Variants in BCAS3 observed in about 807,000 individuals in gnomAD.
BCAS3 encodes BCAS4/BCAS3 fusion.
A neutral mutation model predicts 116.1 loss-of-function variants in BCAS3; 53 were observed. The observed-to-expected ratio is 0.46, with a 90% confidence interval of 0.37 to 0.57. The LOEUF is 0.57. Ranked by LOEUF, BCAS3 falls within the 20% of genes least tolerant of loss-of-function variation. The pLI is 0.00. For missense variants in BCAS3, 917 were observed against 1,165.4 expected, an observed-to-expected ratio of 0.79 and a Z score of 3.10; for synonymous variants, 391 against 408.2, an observed-to-expected ratio of 0.96 and a Z score of 0.51.
chr17:61,107,082 CTTTT>C (rs755754824), intron 22 of BCAS3, among the ~76,000 whole-genome samples: 1 of 106,388 alleles, frequency 9.4e-6, no homozygotes, highest in African/African-American at 3.8e-5. Flanking sequence ...ACTAGGCTTA[CTTTT>C]TTTTTTTTTT....
chr17:61,384,346 C>T (rs973532576), intron 23 of BCAS3: 5 of 152,250 alleles, frequency 3.3e-5, no homozygotes, highest in African/African-American at 7.2e-5. Context: ...CCCAGTTTCA[C>T]GTGTGTGTCC....
rs541083079 is a variant in BCAS3 at position 60,783,466 on chromosome 17, A to C, written c.404-24538A>C. Among the ~76,000 whole-genome samples the C allele has an allele frequency of 4.6e-5, 7 of 152,254 alleles. No individual in the cohort carries two copies. The South Asian group carries it at 1.2e-3, about 27-fold the overall frequency. ...GCAGTCTGCCTGCCTTGGGCTCCCA[A>C]ACTGCTGGGATTATAGGCACGAGCC... is the stretch of plus-strand genomic sequence containing the variant. On this transcript the variant is annotated intron_variant, in intron 6 of 23. Coordinates refer to ENST00000407086, the MANE Select transcript of BCAS3 (RefSeq NM_017679.5).
intron 23 of BCAS3, among the ~76,000 whole-genome samples, chr17:61,385,856 A>T (rs1040372328): frequency 1.3e-5 from 2 of 152,172 alleles, no homozygotes; most frequent in Admixed American, 1.3e-4. Flanking sequence ...GGGAAATGAA[A>T]AGCTGTAAAC....
At chr17:61,273,115 T>A (rs112935779) in intron 22 of BCAS3, among the ~76,000 whole-genome samples, 7,105 of 151,976 alleles carry the variant, frequency 0.047, 190 homozygotes, top group African/African-American at 0.063. Context: ...ATTTTATTTT[T>A]TTTTTTTTCT....
intron 4 of BCAS3, among the ~76,000 whole-genome samples, chr17:60,707,067 C>T (rs1277324704): frequency 1.3e-5 from 2 of 151,762 alleles, no homozygotes; most frequent in Non-Finnish European, 1.5e-5. Context: ...TCTCGGCTTA[C>T]CTCAACCTCT....
intron 22 of BCAS3, among the ~76,000 whole-genome samples, chr17:61,143,331 A>G (rs539277636): frequency 3.9e-5 from 6 of 152,332 alleles, no homozygotes; most frequent in African/African-American, 1.4e-4. Flanking sequence ...CCATACTTTA[A>G]TATCAATTTA....
chr17:60,696,747 C>T (rs2035645875), intron 4 of BCAS3: 1 of 152,228 alleles, frequency 6.6e-6, no homozygotes, highest in African/African-American at 2.4e-5. Context: ...ATTGTCTCTC[C>T]TTAGCAGCTG....
chr17:60,900,989 A>T (rs1039368120), intron 10 of BCAS3, among the ~76,000 whole-genome samples: 1 of 151,988 alleles, frequency 6.6e-6, no homozygotes, highest in African/African-American at 2.4e-5. Context: ...CTGGTGCATC[A>T]CTTGAGGCCA....
chr17:61,158,160 G>C (rs1360380323), intron 22 of BCAS3, among the ~76,000 whole-genome samples: 1 of 151,996 alleles, frequency 6.6e-6, no homozygotes, highest in African/African-American at 2.4e-5. Flanking sequence ...TGGATATTTT[G>C]TTTATACTCC....
intron 22 of BCAS3, among the ~76,000 whole-genome samples, chr17:61,255,524 A>C (rs2048712626): frequency 6.6e-6 from 1 of 152,214 alleles, no homozygotes; most frequent in Admixed American, 6.5e-5. Context: ...CCCTAAGTCT[A>C]TCCATCCTTC....
chr17:61,241,787 C>T lies in BCAS3; in HGVS notation c.2426-126540C>T, dbSNP rs2047548012. Among the ~76,000 whole-genome samples the T allele has an allele frequency of 6.6e-6, 1 of 152,062 alleles. No homozygotes were observed. The highest frequency in any genetic ancestry group is 2.4e-5 in the African/African-American group (1 of 41,414). ...TAAAAAATGTACTTACCTATTTTTT[C>T]TCTACTAACATCATTTAACATGTAA... On this transcript the variant is annotated intron_variant, in intron 22 of 23. Transcript: ENST00000407086. This position sits in a 1 kb window ranked among gnomAD's most constrained non-coding sequence, Gnocchi z 4.6.
intron 1 of BCAS3, among the ~76,000 whole-genome samples, chr17:60,679,110 A>T (rs1260348694): frequency 2.0e-5 from 3 of 152,204 alleles, no homozygotes; most frequent in African/African-American, 7.2e-5. Context: ...CTGTAATCCC[A>T]GCTACTCAGG....
intron 22 of BCAS3, among the ~76,000 whole-genome samples, chr17:61,283,470 T>C (rs2051422453): frequency 6.6e-6 from 1 of 151,934 alleles, no homozygotes; most frequent in South Asian, 2.1e-4. Context: ...TTTTTTTTTT[T>C]TTGAGACGAG....
In BCAS3 at chr17:61,051,992, A is replaced by G. The variant is rs562728594; in HGVS notation, c.2029+11100A>G. On this transcript the variant is annotated intron_variant, in intron 19 of 23. Transcript: ENST00000407086. The surrounding 1 kb of genome is among the most constrained non-coding windows in gnomAD (Gnocchi z 4.1). ...TCAGAGTATAAAATCAGTGAAACAG[A>G]AAACATAAAAACAATAGAGAAAAAG... is the stretch of plus-strand genomic sequence containing the variant. 6.6e-6 allele frequency among the ~76,000 whole-genome samples: 1 copy of G among 152,294 alleles called. No homozygotes were observed. Among genetic ancestry groups the G allele is most frequent in the South Asian group, 2.1e-4 (1 of 4,826 alleles).
chr17:60,965,317 G>A (rs1036367018), intron 14 of BCAS3, among the ~76,000 whole-genome samples: 1 of 150,240 alleles, frequency 6.7e-6, no homozygotes, highest in African/African-American at 2.5e-5. Context: ...TGCCTCCTGA[G>A]TTCAAGTGAT....
rs1342737764 is a variant in BCAS3 at position 61,041,477 on chromosome 17, TTTA to T, written c.2029+590_2029+592del. On this transcript the variant is annotated intron_variant, in intron 19 of 23. Coordinates refer to ENST00000407086, the MANE Select transcript of BCAS3 (RefSeq NM_017679.5). The surrounding 1 kb of genome is among the most constrained non-coding windows in gnomAD (Gnocchi z 4.7). ...GGAGTCATTTAAAGGCAATTTAGTA[TTTA>T]TTATCCAGTTTGCGTTTATAGAATT... is the stretch of plus-strand genomic sequence containing the variant. Among the ~76,000 whole-genome samples, 20 of 149,948 alleles carry T rather than the reference TTTA, an allele frequency of 1.3e-4. No homozygotes were observed. The highest frequency in any genetic ancestry group is 4.3e-4 in the African/African-American group (18 of 41,382).
At chr17:60,758,964 C>T (rs2043246307) in intron 6 of BCAS3, among the ~76,000 whole-genome samples, 1 of 151,662 alleles carries the variant, frequency 6.6e-6, no homozygotes, top group East Asian at 1.9e-4. Flanking sequence ...AGTTTTATTC[C>T]ACTGTAGTCT....
rs2048927937 is a variant in BCAS3 at position 61,258,082 on chromosome 17, C to A, written c.2426-110245C>A. 6.6e-6 allele frequency among the ~76,000 whole-genome samples: 1 copy of A among 152,122 alleles called. No homozygotes were observed. Among genetic ancestry groups the A allele is most frequent in the African/African-American group, 2.4e-5 (1 of 41,418 alleles). On this transcript the variant is annotated intron_variant, in intron 22 of 23. Coordinates refer to ENST00000407086, the MANE Select transcript of BCAS3 (RefSeq NM_017679.5). The surrounding 1 kb of genome is among the most constrained non-coding windows in gnomAD (Gnocchi z 4.7). Reference sequence around the variant, plus strand: ...TGCTCTTCTCAGTGTCCTTCATACACTCCTGGTTAACCACCTACAGGATTT... The same window carrying A: ...TGCTCTTCTCAGTGTCCTTCATACAATCCTGGTTAACCACCTACAGGATTT...
At chr17:60,760,489 G>GT (rs376725665) in intron 6 of BCAS3, among the ~76,000 whole-genome samples, 45 of 144,324 alleles carry the variant, frequency 3.1e-4, no homozygotes, top group Admixed American at 1.0e-3. Context: ...TGGGTGACAG[G>GT]TTTTTTTGTT....
Sources: gnomAD v4.1 joint callset for allele counts (sites outside exome capture counted in the v4.1 genomes callset) on GRCh38, gnomAD v4.1.1 for gene constraint, Gnocchi (gnomAD v3.1) non-coding constraint, MANE v1.5 for transcripts, NCBI Gene and HGNC (gene_info 2026-07-23, HGNC 2026-07-21) for gene names.